RBM28: variants seen among roughly 807,000 people sequenced by gnomAD.
The protein encoded by RBM28 is RNA binding motif protein 28.
In RBM28, 78 loss-of-function variants were observed where a neutral mutation model predicts 98.3. The observed-to-expected ratio is 0.79, with a 90% CI of 0.66 to 0.96. The LOEUF (loss-of-function observed/expected upper bound fraction) is 0.96. Ranked by LOEUF, RBM28 falls within the 40% of genes least tolerant of loss-of-function variation. The pLI is 0.00. For missense variants in RBM28, 838 were observed against 913.0 expected (o/e 0.92, Z 1.06); for synonymous variants, 306 against 330.9 (o/e 0.92, Z 0.82).
chr7:128,324,637 C>A lies in RBM28; in HGVS notation c.1261G>T (p.Asp421Tyr). The change falls in exon 12 of 19, where the codon GAT (aspartate) becomes TAT (tyrosine). Residue 421 changes from aspartate to tyrosine, a missense_variant. Transcript: ENST00000223073. ...QLKVDLAVTR[D>Y]EAAKLQTTKV... is the part of the protein sequence containing the mutation. ...GTCGTCTGAAGCTTTGCAGCCTCAT[C>A]ACGGGTCACCGCCAAGTCAACCTTG... The A allele has an allele frequency of 6.2e-7, 1 of 1,614,198 alleles. No individual in the cohort carries two copies. The highest frequency in any genetic ancestry group is 8.5e-7 in the Non-Finnish European group (1 of 1,180,048).
chr7:128,312,752 T>G (rs1371326825), intron 18 of RBM28, among the ~76,000 whole-genome samples: 1 of 152,188 alleles, frequency 6.6e-6, no homozygotes, highest in African/African-American at 2.4e-5. Context: ...ATCATTTGTG[T>G]AGTAGATGAT....
chr7:128,333,472 C>T (rs928515777), intron 8 of RBM28, 110 bp from the exon 9 acceptor site: 1 of 902,678 alleles, frequency 1.1e-6, no homozygotes, highest in African/African-American at 1.7e-5. Flanking sequence ...GCTCATGCCA[C>T]TTTGAAAAGC....
At chr7:128,338,119 T>C (rs1429835444) in intron 5 of RBM28, 131 bp downstream of exon 5, 4 of 724,578 alleles carry the variant, frequency 5.5e-6, no homozygotes, top group Non-Finnish European at 2.5e-6. Context: ...TTCACCTAAA[T>C]AGCTACCGTA....
In RBM28 at chr7:128,314,886, C is replaced by T; in HGVS notation, c.1923G>A (p.Lys641=). The T allele has an allele frequency of 6.2e-7, 1 of 1,614,196 alleles. No individual in the cohort carries two copies. Among genetic ancestry groups the T allele is most frequent in the Non-Finnish European group, 8.5e-7 (1 of 1,180,040 alleles). ...ACCCGGTCCATGAGGTAGAGCCCGC[C>T]TTTCTCTTCTGCTCTGGGGGCACCT... ...QSKVPPEQKR[K]AGSTSWTGFQ... Residue 641 remains lysine (K), a synonymous_variant, in exon 17 of 19, where the codon AAG becomes AAA. Coordinates refer to ENST00000223073, the MANE Select transcript of RBM28 (RefSeq NM_018077.3).
chr7:128,338,705 C>A (rs757381856), intron 4 of RBM28, 21 bp downstream of exon 4: 5 of 1,521,200 alleles, frequency 3.3e-6, no homozygotes, highest in South Asian at 1.1e-5. Context: ...TAATCCACAC[C>A]AAGTGAAGGT....
intron 8 of RBM28, among the ~76,000 whole-genome samples, 166 bp from the exon 9 acceptor site, chr7:128,333,528 G>C (rs1407856720): frequency 6.6e-6 from 1 of 152,124 alleles, no homozygotes; most frequent in Non-Finnish European, 1.5e-5. Context: ...GACCAGCCTG[G>C]CCAACATGGC....
intron 16 of RBM28, among the ~76,000 whole-genome samples, chr7:128,315,531 G>T (rs1482969145): frequency 2.0e-5 from 3 of 151,962 alleles, no homozygotes; most frequent in African/African-American, 7.3e-5. Context: ...AGCCAGACAG[G>T]GGAAAAATTT....
chr7:128,321,431 G>T lies in RBM28; in HGVS notation c.1405-7C>A. ...GATGCTTCAGCAGCTCAAACTGAAA[G>T]AACAACCAATGGTTAACAGTACAAC... On this transcript the variant is annotated splice_region_variant and splice_polypyrimidine_tract_variant and intron_variant, in intron 13 of 18. Coordinates refer to ENST00000223073, the MANE Select transcript of RBM28 (RefSeq NM_018077.3). The T allele has an allele frequency of 6.2e-7, 1 of 1,614,042 alleles. No homozygotes were observed. Among genetic ancestry groups the T allele is most frequent in the South Asian group, 1.1e-5 (1 of 91,044 alleles).
Position 128,314,823 on chromosome 7 carries a change from A to G in RBM28, c.1986T>C (p.Pro662=). ...GGACCTTTCTTCTCTTCTTTCCATCAGGCAGCTCCACCTGCTCCACTTCAG... is the reference window on the plus strand; with the variant it reads ...GGACCTTTCTTCTCTTCTTTCCATCGGGCAGCTCCACCTGCTCCACTTCAG... The part of the protein sequence containing the change: ...TKAEVEQVEL[P]DGKKRRKVLA... Residue 662 remains proline, a synonymous_variant, in exon 17 of 19, where the codon CCT becomes CCC. Coordinates refer to ENST00000223073, the MANE Select transcript of RBM28 (RefSeq NM_018077.3). The G allele has an allele frequency of 6.2e-7, 1 of 1,614,126 alleles. No homozygotes were observed. The highest frequency in any genetic ancestry group is 8.5e-7 in the Non-Finnish European group (1 of 1,180,018).
chr7:128,317,398 C>T (rs944771919), intron 16 of RBM28, among the ~76,000 whole-genome samples: 1 of 152,134 alleles, frequency 6.6e-6, no homozygotes, highest in Non-Finnish European at 1.5e-5. Flanking sequence ...GTACTATCAC[C>T]AAACACTGTA....
In RBM28 at chr7:128,307,425, TG is replaced by T. The variant is rs1330491384; in HGVS notation, c.*3371del. ...GGGGATCTCTGGAGCCTTGACCTTC[TG>T]GGCCCCGAATTTCTAGCTAGAAAAC... On this transcript the variant is annotated 3_prime_UTR_variant, in exon 19 of 19. Transcript: ENST00000223073. 2.6e-5 allele frequency: 4 copies of T among 151,356 alleles called. No homozygotes were observed. The highest frequency in any genetic ancestry group is 5.9e-5 in the Non-Finnish European group (4 of 68,042). 9.4% of individuals were successfully genotyped at this position (151,356 alleles called of 1,614,324 possible).
At chr7:128,329,003 AGT>A (rs1267898058) in intron 10 of RBM28, among the ~76,000 whole-genome samples, 7 of 149,996 alleles carry the variant, frequency 4.7e-5, no homozygotes, top group African/African-American at 1.7e-4. Context: ...CACAGTCTCG[AGT>A]GCAGTGGCAA....
chr7:128,323,716 C>T (rs188002477), intron 12 of RBM28, 125 bp from the exon 13 acceptor site: 77 of 1,083,602 alleles, frequency 7.1e-5, no homozygotes, highest in East Asian at 4.9e-4. Flanking sequence ...GGCCAGGACA[C>T]GGTGGCATTT....
Position 128,314,872 on chromosome 7 carries a change from G to A in RBM28, c.1937C>T (p.Ser646Leu), listed in dbSNP as rs1400386065. The A allele has an allele frequency of 4.3e-6, 7 of 1,614,162 alleles. No homozygotes were observed. Among genetic ancestry groups the A allele is most frequent in the South Asian group, 1.1e-5 (1 of 91,080 alleles). The change falls in exon 17 of 19, where the codon TCA (serine) becomes TTA (leucine). Residue 646 changes from serine to leucine, a missense_variant. By Grantham distance (145) the Ser-to-Leu change is moderately radical. Coordinates refer to ENST00000223073, the MANE Select transcript of RBM28 (RefSeq NM_018077.3). ...PEQKRKAGSTSWTGFQTKAEV... is the reference protein window; with the variant it reads ...PEQKRKAGSTLWTGFQTKAEV... ...AGCCTTGGTCTGGAACCCGGTCCAT[G>A]AGGTAGAGCCCGCCTTTCTCTTCTG...
chr7:128,317,917 G>A (rs1796139377), intron 15 of RBM28, 40 bp downstream of exon 15: 1 of 1,609,376 alleles, frequency 6.2e-7, no homozygotes, highest in African/African-American at 1.3e-5. Context: ...TCCTGCAAGT[G>A]GTCCTAAGGG....
At chr7:128,321,971 C>T (rs543936497) in intron 13 of RBM28, among the ~76,000 whole-genome samples, 135 of 151,674 alleles carry the variant, frequency 8.9e-4, no homozygotes, top group Non-Finnish European at 1.6e-3. Context: ...TCGCTTGAAC[C>T]TGGGAGCCGG....
chr7:128,335,814 C>T (rs1796585265), intron 7 of RBM28, 33 bp downstream of exon 7: 2 of 1,613,892 alleles, frequency 1.2e-6, no homozygotes, highest in Non-Finnish European at 1.7e-6. Context: ...TTGAATCTTC[C>T]TCTGCTGTCT....
At chr7:128,339,864 A>C in intron 1 of RBM28, 73 bp from the exon 2 acceptor site, 4 of 1,494,320 alleles carry the variant, frequency 2.7e-6, no homozygotes, top group South Asian at 1.2e-5. Flanking sequence ...CAAGAGCACT[A>C]AATGAGTAAA....
At chr7:128,323,243 T>G (rs1443712618) in intron 13 of RBM28, among the ~76,000 whole-genome samples, 1 of 152,214 alleles carries the variant, frequency 6.6e-6, no homozygotes, top group Non-Finnish European at 1.5e-5. Context: ...GACTGTCTAC[T>G]GCATGATGTA....
Sources: gnomAD v4.1 joint callset for allele counts (sites outside exome capture counted in the v4.1 genomes callset) on GRCh38, gnomAD v4.1.1 for gene constraint, MANE v1.5 for transcripts, NCBI Gene and HGNC (gene_info 2026-07-23, HGNC 2026-07-21) for gene names.